The following LRP1B variants were observed in gnomAD, a reference collection of about 807,000 sequenced individuals.
LRP1B encodes low-density lipoprotein receptor-related protein 1B.
LRP1B carries 217 observed loss-of-function variants against 556.6 expected under a neutral mutation model. That is an observed-to-expected ratio of 0.39 (90% CI 0.35 to 0.44). The LOEUF is 0.44. LRP1B is among the 20% of genes least tolerant of loss of function. LRP1B has a pLI of 1.00. For missense variants in LRP1B, 5,053 were observed against 5,620.8 expected (o/e 0.90, Z 3.23); for synonymous variants, 2,047 against 1,865.8 (o/e 1.10, Z -2.50).
chr2:140,725,333 T>G (rs752045517), intron 35 of LRP1B, among the ~76,000 whole-genome samples: 1 of 152,054 alleles, frequency 6.6e-6, no homozygotes. Context: ...CCAGACCTTT[T>G]TTTTTCATTC....
intron 1 of LRP1B, among the ~76,000 whole-genome samples, chr2:141,889,276 T>C (rs10201276): frequency 0.84 from 128,115 of 152,016 alleles, 54,152 homozygotes; most frequent in East Asian, 1. Context: ...ATAAATATTA[T>C]TCCCAGAATC....
rs560436596 is a variant in LRP1B, at chr2:141,399,856, G to A, written c.343+80540C>T. Among the ~76,000 whole-genome samples the A allele has an allele frequency of 1.4e-4, 21 of 152,250 alleles. 1 individual carries two copies. The South Asian group carries it at 4.4e-3, about 32-fold the overall frequency. ...TCTACAGACAAATGATATGCCAAGA[G>A]CAAGAACTCCTACATGTTTGTAGTA... On this transcript the variant is annotated intron_variant, in intron 3 of 90. Transcript: ENST00000389484.
intron 1 of LRP1B, among the ~76,000 whole-genome samples, chr2:142,027,313 T>C (rs56257620): frequency 0.085 from 12,786 of 151,176 alleles, 756 homozygotes; most frequent in Non-Finnish European, 0.12. Flanking sequence ...GTTTTTTTTT[T>C]CCAAATACTA....
At chr2:141,005,302 T>C (rs370753698) in intron 15 of LRP1B, 33 bp downstream of exon 15, 1 of 1,603,268 alleles carries the variant, frequency 6.2e-7, no homozygotes, top group Non-Finnish European at 8.5e-7. Context: ...AAGAGCCCGA[T>C]AAACAAATAA....
At chr2:140,747,462 A>G (rs1391136077) in intron 35 of LRP1B, among the ~76,000 whole-genome samples, 1 of 152,186 alleles carries the variant, frequency 6.6e-6, no homozygotes, top group African/African-American at 2.4e-5. Flanking sequence ...TAGAAGCCAT[A>G]TAGCTTTTTA....
At chr2:141,175,639 G>A (rs1023225577) in intron 7 of LRP1B, among the ~76,000 whole-genome samples, 2 of 152,150 alleles carry the variant, frequency 1.3e-5, no homozygotes, top group Non-Finnish European at 2.9e-5. Context: ...CCCTCATGGA[G>A]AACCTCTACT....
At chr2:140,926,056 C>CTTTTTTTT (rs70991119) in intron 20 of LRP1B, among the ~76,000 whole-genome samples, 17 of 85,988 alleles carry the variant, frequency 2.0e-4, no homozygotes, top group Non-Finnish European at 3.5e-4. Flanking sequence ...TGGAGATTTT[C>CTTTTTTTT]TTTTTTTTTT....
intron 2 of LRP1B, among the ~76,000 whole-genome samples, chr2:141,522,382 T>G (rs1020930774): frequency 1.3e-5 from 2 of 152,126 alleles, no homozygotes; most frequent in African/African-American, 4.8e-5. Flanking sequence ...GACATCAGAT[T>G]TGAATAGCCA....
chr2:140,926,020 A>G (rs1235792683), intron 20 of LRP1B, among the ~76,000 whole-genome samples: 1 of 148,006 alleles, frequency 6.8e-6, no homozygotes, highest in Non-Finnish European at 1.5e-5. Flanking sequence ...TACCTTATAA[A>G]TTTAAATACA....
At chr2:140,452,693 T>G (rs16843964) in intron 62 of LRP1B, among the ~76,000 whole-genome samples, 10,451 of 152,180 alleles carry the variant, frequency 0.069, 452 homozygotes, top group African/African-American at 0.1. Flanking sequence ...GAAAATAGAT[T>G]AGCAATCCAA....
chr2:140,867,983 T>C, intron 26 of LRP1B, 116 bp downstream of exon 26: 5 of 1,268,282 alleles, frequency 3.9e-6, no homozygotes, highest in Admixed American at 2.7e-5. Context: ...AAAAAAAAAA[T>C]ACACCTCCAA....
chr2:141,705,037 C>T (rs997007896), intron 2 of LRP1B, among the ~76,000 whole-genome samples: 1 of 151,890 alleles, frequency 6.6e-6, no homozygotes, highest in Non-Finnish European at 1.5e-5. Flanking sequence ...TTACCATGTA[C>T]CACGTACTAA....
intron 2 of LRP1B, among the ~76,000 whole-genome samples, chr2:141,742,111 G>C (rs902739009): frequency 2.0e-5 from 3 of 151,972 alleles, no homozygotes; most frequent in African/African-American, 7.3e-5. Flanking sequence ...TAGATGTCTG[G>C]ATTTATTTAT....
At chr2:141,779,298 T>C (rs12470956) in intron 2 of LRP1B, among the ~76,000 whole-genome samples, 1 of 152,134 alleles carries the variant, frequency 6.6e-6, no homozygotes. Context: ...CTGAGCCAGA[T>C]GGTGTTGTTG....
chr2:141,246,253 G>T (rs1441741709), intron 5 of LRP1B, among the ~76,000 whole-genome samples: 3 of 152,272 alleles, frequency 2.0e-5, no homozygotes, highest in Middle Eastern at 3.4e-3. Flanking sequence ...TGATAAGAAG[G>T]CTACATTAAT....
At chr2:141,307,586 A>C (rs1358698257) in intron 3 of LRP1B, among the ~76,000 whole-genome samples, 2 of 151,896 alleles carry the variant, frequency 1.3e-5, no homozygotes, top group Non-Finnish European at 2.9e-5. Flanking sequence ...ATTTCTTTTC[A>C]GTGGAAAGTT....
intron 2 of LRP1B, among the ~76,000 whole-genome samples, chr2:141,750,230 C>A (rs537542844): frequency 6.6e-5 from 10 of 152,206 alleles, no homozygotes; most frequent in African/African-American, 2.2e-4. Context: ...TTGGGAACTT[C>A]TTTTCTCTAA....
At chr2:141,676,147 A>G (rs1056078592) in intron 2 of LRP1B, among the ~76,000 whole-genome samples, 15 of 151,936 alleles carry the variant, frequency 9.9e-5, no homozygotes, top group Admixed American at 9.2e-4. Flanking sequence ...TCTTTGACAC[A>G]TTGTTTTTGT....
intron 29 of LRP1B, among the ~76,000 whole-genome samples, chr2:140,844,811 A>G (rs10170793): frequency 0.039 from 6,004 of 152,242 alleles, 366 homozygotes; most frequent in African/African-American, 0.14. Context: ...AAGACAGGAA[A>G]AACTCAACAT....
Sources: gnomAD v4.1 joint callset for allele counts (sites outside exome capture counted in the v4.1 genomes callset) on GRCh38, gnomAD v4.1.1 for gene constraint, MANE v1.5 for transcripts, NCBI Gene and HGNC (gene_info 2026-07-23, HGNC 2026-07-21) for gene names.